Variants in ACAN observed in about 807,000 individuals in gnomAD.
ACAN encodes the protein aggrecan core protein.
A neutral mutation model predicts 169.1 loss-of-function variants in ACAN; 47 were observed. The observed-to-expected ratio is 0.28, with a 90% CI of 0.22 to 0.35. The LOEUF (loss-of-function observed/expected upper bound fraction) is 0.35, where lower values mean the gene tolerates loss of function less well. ACAN is among the 10% of genes least tolerant of loss of function. The probability of loss-of-function intolerance (pLI) is 1.00; values close to 1 mark genes in which losing one functional copy is unlikely to be tolerated. For synonymous variants in ACAN, 1,115 were observed against 1,112.2 expected (o/e 1.00, Z -0.05); for missense variants, 2,716 against 2,759.9 (o/e 0.98, Z 0.36).
At chr15:88,811,895 C>T (rs926188875) in intron 1 of ACAN, among the ~76,000 whole-genome samples, 1 of 152,134 alleles carries the variant, frequency 6.6e-6, no homozygotes, top group Middle Eastern at 3.2e-3. Context: ...CGTGACCCAG[C>T]CAGGTGCTTT....
At chr15:88,824,802 C>A (rs1896169410) in intron 1 of ACAN, among the ~76,000 whole-genome samples, 1 of 151,888 alleles carries the variant, frequency 6.6e-6, no homozygotes, top group East Asian at 1.9e-4. Flanking sequence ...TTGCTTGAGC[C>A]CGGGAGGTGG....
chr15:88,815,967 G>A (rs994681440), intron 1 of ACAN, among the ~76,000 whole-genome samples: 1 of 152,190 alleles, frequency 6.6e-6, no homozygotes, highest in African/African-American at 2.4e-5. Context: ...TGAAACCTAT[G>A]GGAAATCCTT....
At chr15:88,817,021 G>A (rs1055048846) in intron 1 of ACAN, among the ~76,000 whole-genome samples, 4 of 152,200 alleles carry the variant, frequency 2.6e-5, no homozygotes, top group East Asian at 1.9e-4. Context: ...ATCCCCAGTC[G>A]GCTGCCACCT....
At chr15:88,828,497 C>A (rs1279342606) in intron 1 of ACAN, among the ~76,000 whole-genome samples, 1 of 152,160 alleles carries the variant, frequency 6.6e-6, no homozygotes, top group East Asian at 1.9e-4. Context: ...TCACAACTCT[C>A]CTTTCTGCCT....
Position 88,857,450 on chromosome 15 carries a change from C to T in ACAN, c.4865C>T (p.Thr1622Ile). 6.2e-7 allele frequency: 1 copy of T among 1,613,924 alleles called. No homozygotes were observed. ...GTLGSGQAPE[T>I]SGLPSGFSGE... ...CTAGGAAGTGGGCAAGCTCCAGAAA[C>T]AAGTGGTCTTCCCTCTGGATTTAGT... The change falls in exon 12 of 19, where the codon ACA becomes ATA. Residue 1622 changes from threonine to isoleucine, a missense_variant. By Grantham distance (89) the Thr-to-Ile change is moderately conservative. Around this residue, in one of 3 missense-constraint regions of ACAN, gnomAD observed 1,389 missense variants for 1,363.7 expected, o/e 1.02. Transcript: ENST00000560601.
chr15:88,867,058 A>G (rs573744760), intron 13 of ACAN, among the ~76,000 whole-genome samples: 2 of 152,286 alleles, frequency 1.3e-5, no homozygotes, highest in African/African-American at 4.8e-5. Flanking sequence ...AGCATTTATC[A>G]TGTTCCCAGG....
In ACAN at chr15:88,859,106, C is replaced by A; in HGVS notation, c.6521C>A (p.Thr2174Asn). The A allele has an allele frequency of 6.2e-7, 1 of 1,613,864 alleles. No individual in the cohort carries two copies. The highest frequency in any genetic ancestry group is 8.5e-7 in the Non-Finnish European group (1 of 1,179,900). ...APEVSGESTT[T>N]SDVGTEAPGL... ...GAAGTGAGTGGAGAATCCACCACCA[C>A]CAGTGATGTGGGGACAGAGGCACCA... Residue 2174 changes from threonine (T) to asparagine (N), a missense_variant, in exon 12 of 19, where the codon ACC becomes AAC. Physicochemically the swap from Thr to Asn is moderately conservative, Grantham distance 65. Coordinates refer to ENST00000560601, the MANE Select transcript of ACAN (RefSeq NM_001369268.1).
In ACAN at chr15:88,849,406, G is replaced by T. The variant is rs760286695; in HGVS notation, c.1733-32G>T. On this transcript the variant is annotated intron_variant, in intron 9 of 18. Transcript: ENST00000560601. This position sits in a 1 kb window ranked among gnomAD's most constrained non-coding sequence, Gnocchi z 5.1. Reference sequence around the variant, plus strand: ...GATGGACCTGGCCTGAGTGTGGGGGGGTCATATTCTACCCCTTGCCTCTGC... The same window carrying T: ...GATGGACCTGGCCTGAGTGTGGGGGTGTCATATTCTACCCCTTGCCTCTGC... The T allele has an allele frequency of 1.0e-5, 16 of 1,532,352 alleles. No individual in the cohort carries two copies. The highest frequency in any genetic ancestry group is 2.6e-5 in the South Asian group (2 of 78,308). 94.9% of individuals were successfully genotyped at this position (1,532,352 alleles called of 1,614,324 possible). A position where few individuals can be genotyped will look rare whatever the true frequency, so the allele number is the denominator to read the frequency against.
intron 1 of ACAN, among the ~76,000 whole-genome samples, chr15:88,827,786 T>C (rs1232216259): frequency 6.6e-6 from 1 of 152,230 alleles, no homozygotes; most frequent in African/African-American, 2.4e-5. Flanking sequence ...CAGCGTCCTA[T>C]GCTATTTGAT....
Position 88,840,227 on chromosome 15 carries a change from C to A in ACAN, c.629+41C>A, listed in dbSNP as rs779869632. On this transcript the variant is annotated intron_variant, in intron 4 of 18. Transcript: ENST00000560601. ...TCAGCTAGTGGGGGCCAGGAGTCAG[C>A]AGCCACAGGGGAGTGGGGCGGGTGC... 16 of 1,528,970 alleles carry A rather than the reference C, an allele frequency of 1.0e-5. No individual in the cohort carries two copies. The South Asian group carries it at 2.0e-4, about 19-fold the overall frequency. The allele number at this position is 1,528,970 out of a possible 1,614,324, so 94.7% of individuals were successfully genotyped here. A position where few individuals can be genotyped will look rare whatever the true frequency, so the allele number is the denominator to read the frequency against.
chr15:88,850,625 A>T (rs1896908831), intron 10 of ACAN: 3 of 152,196 alleles, frequency 2.0e-5, no homozygotes, highest in Admixed American at 2.0e-4. Flanking sequence ...AGTTTCCCAG[A>T]CATCCAGGGT....
Position 88,843,253 on chromosome 15 carries a change from A to G in ACAN, c.758-102A>G, listed in dbSNP as rs1896709190. On this transcript the variant is annotated intron_variant, in intron 5 of 18. Transcript: ENST00000560601. This position sits in a 1 kb window ranked among gnomAD's most constrained non-coding sequence, Gnocchi z 4.0. ...ATGGGACCAGGACTTTGGGAAGTTA[A>G]AGGACTCCCAAGACCTCGTGGAAAA... is the stretch of plus-strand genomic sequence containing the variant. 8.7e-7 allele frequency: 1 copy of G among 1,154,108 alleles called. No individual in the cohort carries two copies. Among genetic ancestry groups the G allele is most frequent in the East Asian group, 2.6e-5 (1 of 38,224 alleles). 71.5% of individuals were successfully genotyped at this position (1,154,108 alleles called of 1,614,324 possible).
rs1275157621 is a variant in ACAN at position 88,874,543 on chromosome 15, C to T, written c.*62C>T. The T allele has an allele frequency of 3.6e-6, 5 of 1,407,606 alleles. No individual in the cohort carries two copies. Among genetic ancestry groups the T allele is most frequent in the Admixed American group, 2.0e-5 (1 of 51,272 alleles). The allele number at this position is 1,407,606 out of a possible 1,614,324, so 87.2% of individuals were successfully genotyped here. A position where few individuals can be genotyped will look rare whatever the true frequency, so the allele number is the denominator to read the frequency against. On this transcript the variant is annotated 3_prime_UTR_variant, in exon 19 of 19. Transcript: ENST00000560601. The surrounding 1 kb of genome is among the most constrained non-coding windows in gnomAD (Gnocchi z 7.3). ...AGGAGCCTGCCAGGCTGACGTGCAT[C>T]CCACCCAGACGGTGTCCTCTTCTTG...
intron 5 of ACAN, 77 bp downstream of exon 5, chr15:88,841,944 A>G: frequency 6.4e-7 from 1 of 1,574,126 alleles, no homozygotes; most frequent in Non-Finnish European, 8.7e-7. Flanking sequence ...CCCCACTGAC[A>G]CCTGAGATCA....
chr15:88,849,688 C>T lies in ACAN; in HGVS notation c.1983C>T (p.Gly661=), dbSNP rs762423614. The change falls in exon 10 of 19, where the codon GGC becomes GGT. Residue 661 remains glycine (G), a synonymous_variant. Transcript: ENST00000560601. The surrounding 1 kb of genome is among the most constrained non-coding windows in gnomAD (Gnocchi z 5.1). ...TCTACCTCTACCCTAACCAGACGGG[C>T]CTCCCAGACCCACTGTCCCGGCACC... ...RTVYLYPNQT[G]LPDPLSRHHA... 1.2e-6 allele frequency: 2 copies of T among 1,613,846 alleles called. No individual in the cohort carries two copies. Among genetic ancestry groups the T allele is most frequent in the Admixed American group, 3.3e-5 (2 of 60,024 alleles).
intron 1 of ACAN, among the ~76,000 whole-genome samples, chr15:88,815,186 T>C (rs1222445246): frequency 1.3e-5 from 2 of 151,750 alleles, no homozygotes; most frequent in African/African-American, 4.8e-5. Context: ...TGTGTATCAG[T>C]GGGAATGGAA....
intron 4 of ACAN, 86 bp downstream of exon 4, chr15:88,840,272 C>T (rs1896618563): frequency 7.0e-7 from 1 of 1,437,310 alleles, no homozygotes; most frequent in East Asian, 2.5e-5. Context: ...CGTTGGCCAG[C>T]ACTGAGCTGG....
chr15:88,828,628 C>A (rs1896284686), intron 1 of ACAN, among the ~76,000 whole-genome samples: 1 of 152,322 alleles, frequency 6.6e-6, no homozygotes, highest in South Asian at 2.1e-4. Flanking sequence ...TGCAGCAGAA[C>A]AGCAAGCAAT....
rs1897436123 is a variant in ACAN at position 88,873,708 on chromosome 15, G to A, written c.7448-134G>A. ...ACAGCCAGCGGCTTCCAGATTCTTA[G>A]CGCTGCATGAAAACGTCCAGGGCTC... On this transcript the variant is annotated intron_variant, in intron 17 of 18. Transcript: ENST00000560601. The surrounding 1 kb of genome is among the most constrained non-coding windows in gnomAD (Gnocchi z 7.5). 2.2e-6 allele frequency: 2 copies of A among 908,156 alleles called. No individual in the cohort carries two copies. Among genetic ancestry groups the A allele is most frequent in the East Asian group, 5.3e-5 (2 of 37,586 alleles). 56.3% of individuals were successfully genotyped at this position (908,156 alleles called of 1,614,324 possible). A position where few individuals can be genotyped will look rare whatever the true frequency, so the allele number is the denominator to read the frequency against.
Sources: gnomAD v4.1 joint callset for allele counts (sites outside exome capture counted in the v4.1 genomes callset) on GRCh38, gnomAD v4.1.1 for gene constraint, gnomAD v4.1.1 regional missense constraint, Gnocchi (gnomAD v3.1) non-coding constraint, MANE v1.5 for transcripts, NCBI Gene and HGNC (gene_info 2026-07-23, HGNC 2026-07-21) for gene names.